AGFG1: variants seen among roughly 807,000 people sequenced by gnomAD.
AGFG1 encodes the protein arf-GAP domain and FG repeat-containing protein 1.
A neutral mutation model predicts 60.6 loss-of-function variants in AGFG1; 10 were observed. That is an observed-to-expected ratio of 0.16 (90% CI 0.10 to 0.28). The LOEUF (loss-of-function observed/expected upper bound fraction) is 0.28. AGFG1 is among the 10% of genes least tolerant of loss of function. AGFG1 has a pLI of 1.00. For synonymous variants in AGFG1, 247 were observed against 242.9 expected (o/e 1.02, Z -0.16); for missense variants, 537 against 676.5 (o/e 0.79, Z 2.29).
At chr2:227,519,750 AT>A (rs1266189612) in intron 2 of AGFG1, among the ~76,000 whole-genome samples, 197 bp from the exon 3 acceptor site, 1 of 152,164 alleles carries the variant, frequency 6.6e-6, no homozygotes. Context: ...CTTTTTAATG[AT>A]TTTGTTGCTA....
intron 2 of AGFG1, among the ~76,000 whole-genome samples, chr2:227,494,124 G>A (rs1358829153): frequency 1.3e-5 from 2 of 152,160 alleles, no homozygotes; most frequent in Admixed American, 1.3e-4. Context: ...GGTATGTTTG[G>A]TTCTTTACAG....
rs1315342579 is a variant in AGFG1 at position 227,558,062 on chromosome 2, C to G, written c.*3567C>G. The G allele has an allele frequency of 6.6e-6, 1 of 152,158 alleles. No homozygotes were observed. Among genetic ancestry groups the G allele is most frequent in the African/African-American group, 2.4e-5 (1 of 41,430 alleles). 9.4% of individuals were successfully genotyped at this position (152,158 alleles called of 1,614,324 possible). The stretch of plus-strand genomic sequence containing the variant: ...AACTGAAATTGCAGACTTTTTAACA[C>G]TACTTCAAGGTAATAATAGCAGTGG... On this transcript the variant is annotated 3_prime_UTR_variant, in exon 13 of 13. Transcript: ENST00000310078.
Position 227,472,356 on chromosome 2 carries a change from G to GCGGGCCCC in AGFG1, c.-62_-55dup, listed in dbSNP as rs1690115899. 6 of 1,001,700 alleles carry GCGGGCCCC rather than the reference G, an allele frequency of 6.0e-6. No individual in the cohort carries two copies. Among genetic ancestry groups the GCGGGCCCC allele is most frequent in the African/African-American group, 1.8e-5 (1 of 57,074 alleles). 62.1% of individuals were successfully genotyped at this position (1,001,700 alleles called of 1,614,324 possible). On this transcript the variant is annotated 5_prime_UTR_variant, in exon 1 of 13. Coordinates refer to ENST00000310078, the MANE Select transcript of AGFG1 (RefSeq NM_004504.5). ...CGCGGCCAGGGCGGCCCGTGGGACCGCGGGCCCCCGGCGCAGCGCTGCCCG... is the reference window on the plus strand; with the variant it reads ...CGCGGCCAGGGCGGCCCGTGGGACCGCGGGCCCCCGGGCCCCCGGCGCAGCGCTGCCCG...
chr2:227,539,746 C>CAAAAAAAAAAA (rs71039604), intron 10 of AGFG1, among the ~76,000 whole-genome samples: 1 of 65,560 alleles, frequency 1.5e-5, no homozygotes, highest in Admixed American at 1.9e-4. Context: ...CTCTAGCTCA[C>CAAAAAAAAAAA]AAAAAAAAAA....
At chr2:227,552,221 T>G in intron 11 of AGFG1, 104 bp downstream of exon 11, 1 of 1,298,964 alleles carries the variant, frequency 7.7e-7, no homozygotes, top group Non-Finnish European at 1.0e-6. Context: ...AATACTATAG[T>G]ATTATCTACT....
At chr2:227,476,117 T>A (rs554013771) in intron 1 of AGFG1, among the ~76,000 whole-genome samples, 1 of 152,172 alleles carries the variant, frequency 6.6e-6, no homozygotes, top group East Asian at 1.9e-4. Flanking sequence ...TCATTCAGAG[T>A]GTAACTGAAT....
At chr2:227,545,078 G>A (rs149177066) in intron 10 of AGFG1, among the ~76,000 whole-genome samples, 6,666 of 152,200 alleles carry the variant, frequency 0.044, 268 homozygotes, top group African/African-American at 0.098. Flanking sequence ...CATTCTCCCC[G>A]TCACTTTCAG....
At chr2:227,541,138 G>A (rs550494300) in intron 10 of AGFG1, among the ~76,000 whole-genome samples, 1 of 152,284 alleles carries the variant, frequency 6.6e-6, no homozygotes, top group East Asian at 1.9e-4. Flanking sequence ...CTCCCATTCT[G>A]TAGGTTGCCT....
chr2:227,550,361 A>G (rs959159824), intron 10 of AGFG1, among the ~76,000 whole-genome samples: 6 of 152,336 alleles, frequency 3.9e-5, no homozygotes, highest in African/African-American at 1.4e-4. Flanking sequence ...GTTAATAGCC[A>G]TTTTGATTCT....
At chr2:227,483,517 T>C (rs1690530414) in intron 1 of AGFG1, among the ~76,000 whole-genome samples, 1 of 152,236 alleles carries the variant, frequency 6.6e-6, no homozygotes, top group South Asian at 2.1e-4. Context: ...TGGCAATTAC[T>C]GATCTGTTCT....
chr2:227,553,577 A>G lies in AGFG1; in HGVS notation c.1538-127A>G, dbSNP rs140031127. 9.5e-3 allele frequency: 6,873 copies of G among 724,638 alleles called. 68 individuals are homozygous for G. Among genetic ancestry groups the G allele is most frequent in the African/African-American group, 0.022 (1,256 of 56,346 alleles). 44.9% of individuals were successfully genotyped at this position (724,638 alleles called of 1,614,324 possible). ...ATCTGAAAGAGCTTGAGGCCTAACA[A>G]CTTAACTTTAACATTTTATTTTTGC... On this transcript the variant is annotated intron_variant, in intron 11 of 12. Coordinates refer to ENST00000310078, the MANE Select transcript of AGFG1 (RefSeq NM_004504.5).
intron 10 of AGFG1, among the ~76,000 whole-genome samples, chr2:227,544,672 G>A (rs919470403): frequency 6.6e-6 from 1 of 152,114 alleles, no homozygotes; most frequent in Non-Finnish European, 1.5e-5. Flanking sequence ...GAATCTCTCA[G>A]CATTTGCTTG....
At chr2:227,540,423 C>A (rs1692455985) in intron 10 of AGFG1, among the ~76,000 whole-genome samples, 1 of 152,106 alleles carries the variant, frequency 6.6e-6, no homozygotes, top group Non-Finnish European at 1.5e-5. Context: ...TCAGTTCCCA[C>A]CTATGAGTTA....
intron 10 of AGFG1, among the ~76,000 whole-genome samples, chr2:227,540,037 T>C (rs1575110136): frequency 6.6e-6 from 1 of 152,190 alleles, no homozygotes. Context: ...GGTTTTGCCA[T>C]GTTGACCAGA....
At chr2:227,531,017 T>C (rs1205666388) in intron 5 of AGFG1, 74 bp from the exon 6 acceptor site, 11 of 1,323,854 alleles carry the variant, frequency 8.3e-6, no homozygotes, top group Non-Finnish European at 1.0e-5. Flanking sequence ...ATATAATTCT[T>C]AAACTCATGT....
At chr2:227,482,429 T>G (rs559123842) in intron 1 of AGFG1, among the ~76,000 whole-genome samples, 1 of 152,338 alleles carries the variant, frequency 6.6e-6, no homozygotes, top group African/African-American at 2.4e-5. Flanking sequence ...GCATCAATAG[T>G]TTGTAGATTT....
chr2:227,555,397 T>C lies in AGFG1; in HGVS notation c.*902T>C, dbSNP rs1166483619. ...AATTTGTATATATGAAGAATTTGCA[T>C]GTATGTGTATTTACAAATTTTTCTA... On this transcript the variant is annotated 3_prime_UTR_variant, in exon 13 of 13. Transcript: ENST00000310078. 6.6e-6 allele frequency: 1 copy of C among 152,628 alleles called. No individual in the cohort carries two copies. 9.5% of individuals were successfully genotyped at this position (152,628 alleles called of 1,614,324 possible).
intron 2 of AGFG1, 120 bp downstream of exon 2, chr2:227,491,760 T>G: frequency 1.8e-6 from 1 of 547,554 alleles, no homozygotes; most frequent in East Asian, 3.3e-5. Flanking sequence ...ATTTTTGTAT[T>G]TTATATTTAG....
chr2:227,531,525 C>CTTTT (rs34372948), intron 6 of AGFG1, among the ~76,000 whole-genome samples: 1 of 130,240 alleles, frequency 7.7e-6, no homozygotes, highest in Non-Finnish European at 1.6e-5. Flanking sequence ...CTCTCTGTCT[C>CTTTT]TTTTTTTTTT....
Sources: allele counts gnomAD v4.1 joint callset (sites outside exome capture counted in the v4.1 genomes callset), GRCh38; gene constraint gnomAD v4.1.1; transcripts MANE v1.5; gene names NCBI Gene and HGNC (gene_info 2026-07-23, HGNC 2026-07-21).